Variants in LRRFIP1 observed in about 807,000 individuals in gnomAD.
The protein encoded by LRRFIP1 is leucine-rich repeat flightless-interacting protein 1.
In LRRFIP1, 62 loss-of-function variants were observed where a neutral mutation model predicts 104.4. The observed-to-expected ratio is 0.59, with a 90% CI of 0.48 to 0.73. The LOEUF (loss-of-function observed/expected upper bound fraction) is 0.73. LRRFIP1 is among the 30% of genes least tolerant of loss of function. LRRFIP1 has a pLI of 0.00. For synonymous variants in LRRFIP1, 300 were observed against 299.0 expected (o/e 1.00, Z -0.03); for missense variants, 796 against 824.5 (o/e 0.97, Z 0.42).
Position 237,649,203 on chromosome 2 carries a change from C to A in LRRFIP1, c.96+21463C>A, listed in dbSNP as rs987720746. On this transcript the variant is annotated intron_variant, in intron 1 of 23. Coordinates refer to ENST00000308482, the MANE Select transcript of LRRFIP1 (RefSeq NM_001137550.2). This position sits in a 1 kb window ranked among gnomAD's most constrained non-coding sequence, Gnocchi z 4.1. ...GGGTCAAAGCCTGGCCCCAGAACAGCCCCTCCCTCCCCACCCACAGCTGTG... is the reference window on the plus strand; with the variant it reads ...GGGTCAAAGCCTGGCCCCAGAACAGACCCTCCCTCCCCACCCACAGCTGTG... 1.3e-5 allele frequency among the ~76,000 whole-genome samples: 2 copies of A among 151,796 alleles called. No individual in the cohort carries two copies. The highest frequency in any genetic ancestry group is 4.8e-5 in the African/African-American group (2 of 41,404).
intron 1 of LRRFIP1, among the ~76,000 whole-genome samples, chr2:237,694,163 T>A (rs2093007862): frequency 6.6e-6 from 1 of 152,204 alleles, no homozygotes; most frequent in South Asian, 2.1e-4. Flanking sequence ...GTGTGAATTT[T>A]CTTACGTTTC....
At position 237,727,786 on chromosome 2, in the gene LRRFIP1, T is replaced by G. The variant is rs528505459; in HGVS notation, c.385-90T>G. ...CATCCGCTCCACAAGAAAGGTCACC[T>G]TATACCTGGCTGGTTGGTCCCTGCT... On this transcript the variant is annotated intron_variant, in intron 7 of 23. Transcript: ENST00000308482. 8.8e-6 allele frequency: 8 copies of G among 913,192 alleles called. No homozygotes were observed. The South Asian group carries it at 1.2e-4, about 14-fold the overall frequency. The allele number at this position is 913,192 out of a possible 1,614,324, so 56.6% of individuals were successfully genotyped here.
intron 19 of LRRFIP1, chr2:237,763,576 A>G: frequency 6.2e-7 from 1 of 1,613,242 alleles, no homozygotes. Context: ...CAGCAGTGGA[A>G]GCCCAAAACG....
At chr2:237,646,716 C>T (rs535999168) in intron 1 of LRRFIP1, among the ~76,000 whole-genome samples, 17 of 152,032 alleles carry the variant, frequency 1.1e-4, no homozygotes, top group African/African-American at 4.1e-4. Context: ...TCCGCATGCA[C>T]ACACAGTGTG....
chr2:237,659,249 A>G (rs1353288120), intron 1 of LRRFIP1, among the ~76,000 whole-genome samples: 1 of 151,686 alleles, frequency 6.6e-6, no homozygotes, highest in Non-Finnish European at 1.5e-5. Flanking sequence ...ACACACCACT[A>G]CACTCGGCAA....
At chr2:237,632,317 A>G (rs985014336) in intron 1 of LRRFIP1, among the ~76,000 whole-genome samples, 3 of 152,178 alleles carry the variant, frequency 2.0e-5, no homozygotes, top group Non-Finnish European at 4.4e-5. Flanking sequence ...GGCTTGTTTC[A>G]AGATGCAACC....
At chr2:237,641,220 A>G (rs975172204) in intron 1 of LRRFIP1, among the ~76,000 whole-genome samples, 17 of 151,892 alleles carry the variant, frequency 1.1e-4, no homozygotes, top group Admixed American at 9.8e-4. Context: ...TATTAAAAAA[A>G]AAAAAAAAAG....
At chr2:237,739,821 G>A (rs1364421718) in intron 11 of LRRFIP1, among the ~76,000 whole-genome samples, 1 of 152,144 alleles carries the variant, frequency 6.6e-6, no homozygotes, top group African/African-American at 2.4e-5. Flanking sequence ...TCCCCAGCTT[G>A]TTAAGTCTCA....
chr2:237,631,520 G>A (rs1482048763), intron 1 of LRRFIP1, among the ~76,000 whole-genome samples: 2 of 152,204 alleles, frequency 1.3e-5, no homozygotes, highest in African/African-American at 2.4e-5. Context: ...TGGAATTCAG[G>A]CGGGATGTTA....
chr2:237,717,640 G>C lies in LRRFIP1; in HGVS notation c.202-122G>C. ...CTGGTGCCGACTGCTTTGCCTTGGC[G>C]TGTTACCTTCACCACACGGCTGGAT... On this transcript the variant is annotated intron_variant, in intron 3 of 23. Coordinates refer to ENST00000308482, the MANE Select transcript of LRRFIP1 (RefSeq NM_001137550.2). The surrounding 1 kb of genome is among the most constrained non-coding windows in gnomAD (Gnocchi z 4.2). 1.2e-6 allele frequency: 1 copy of C among 812,646 alleles called. No individual in the cohort carries two copies. Among genetic ancestry groups the C allele is most frequent in the Admixed American group, 1.7e-5 (1 of 57,850 alleles). 50.3% of individuals were successfully genotyped at this position (812,646 alleles called of 1,614,324 possible). A position where few individuals can be genotyped will look rare whatever the true frequency, so the allele number is the denominator to read the frequency against.
chr2:237,684,925 A>AT (rs2092220326), intron 1 of LRRFIP1, among the ~76,000 whole-genome samples: 1 of 151,302 alleles, frequency 6.6e-6, no homozygotes, highest in Non-Finnish European at 1.5e-5. Flanking sequence ...TGTCTCTGAA[A>AT]AAAAAAAAAA....
intron 1 of LRRFIP1, among the ~76,000 whole-genome samples, chr2:237,687,895 G>A (rs146668979): frequency 1.1e-3 from 169 of 152,294 alleles, no homozygotes; most frequent in East Asian, 4.6e-3. Flanking sequence ...AGTGGGAGGC[G>A]CAGCTAGTGA....
rs1360454285 is a variant in LRRFIP1, at chr2:237,691,912, C to T, written c.97-16632C>T. The stretch of plus-strand genomic sequence containing the variant: ...TCCTTCCGAGACGGAGCGCGGGGGG[C>T]GGGGCGGGGCTCGCGTTAAGGGAGC... On this transcript the variant is annotated intron_variant, in intron 1 of 23. Coordinates refer to ENST00000308482, the MANE Select transcript of LRRFIP1 (RefSeq NM_001137550.2). This position sits in a 1 kb window ranked among gnomAD's most constrained non-coding sequence, Gnocchi z 5.4. 1.2e-5 allele frequency among the ~76,000 whole-genome samples: 1 copy of T among 84,204 alleles called. No homozygotes were observed. Among genetic ancestry groups the T allele is most frequent in the Non-Finnish European group, 2.4e-5 (1 of 42,218 alleles). 55.2% of individuals were successfully genotyped at this position (84,204 alleles called of 152,430 possible).
chr2:237,743,332 C>G (rs2057373900), intron 11 of LRRFIP1, among the ~76,000 whole-genome samples: 5 of 152,022 alleles, frequency 3.3e-5, no homozygotes, highest in Admixed American at 3.3e-4. Flanking sequence ...GCAGTAGTAA[C>G]CAGAATGAAG....
intron 7 of LRRFIP1, among the ~76,000 whole-genome samples, chr2:237,725,274 T>A (rs77123686): frequency 0.013 from 2,010 of 152,204 alleles, 26 homozygotes; most frequent in African/African-American, 0.044. Context: ...ATGCCAGGTG[T>A]CCAGGAAGCA....
In LRRFIP1 at chr2:237,680,636, T is replaced by C. The variant is rs528970085; in HGVS notation, c.97-27908T>C. On this transcript the variant is annotated intron_variant, in intron 1 of 23. Coordinates refer to ENST00000308482, the MANE Select transcript of LRRFIP1 (RefSeq NM_001137550.2). ...TGAATACCGAGGGACAACTGCATAATGCATTTCAAATAAAATCTCAGTTTA... is the reference window on the plus strand; with the variant it reads ...TGAATACCGAGGGACAACTGCATAACGCATTTCAAATAAAATCTCAGTTTA... Among the ~76,000 whole-genome samples the C allele has an allele frequency of 4.6e-5, 7 of 152,340 alleles. No individual in the cohort carries two copies. The East Asian group carries it at 5.8e-4, about 13-fold the overall frequency.
intron 1 of LRRFIP1, among the ~76,000 whole-genome samples, chr2:237,671,293 C>T (rs932419421): frequency 2.0e-5 from 3 of 152,164 alleles, no homozygotes; most frequent in African/African-American, 7.2e-5. Context: ...GAGCCAGAGG[C>T]CTTCAAACCA....
rs190844376 is a variant in LRRFIP1 at position 237,669,969 on chromosome 2, T to C, written c.97-38575T>C. Among the ~76,000 whole-genome samples the C allele has an allele frequency of 2.6e-3, 389 of 152,256 alleles. 2 individuals carry two copies. The highest frequency in any genetic ancestry group is 8.9e-3 in the African/African-American group (370 of 41,536). On this transcript the variant is annotated intron_variant, in intron 1 of 23. Coordinates refer to ENST00000308482, the MANE Select transcript of LRRFIP1 (RefSeq NM_001137550.2). ...AAGATTGGGGCCGTCTTTGGACAGA[T>C]TTGAATATTAGACACCATATCATCT...
At chr2:237,681,837 G>A (rs868247685) in intron 1 of LRRFIP1, among the ~76,000 whole-genome samples, 13 of 148,546 alleles carry the variant, frequency 8.8e-5, no homozygotes, top group Non-Finnish European at 1.2e-4. Context: ...CCGCCACTAC[G>A]CCCGGCTAAT....
Sources: gnomAD v4.1 joint callset for allele counts (sites outside exome capture counted in the v4.1 genomes callset) on GRCh38, gnomAD v4.1.1 for gene constraint, Gnocchi (gnomAD v3.1) non-coding constraint, MANE v1.5 for transcripts, NCBI Gene and HGNC (gene_info 2026-07-23, HGNC 2026-07-21) for gene names.